RBFOX1: variants seen among roughly 807,000 people sequenced by gnomAD.
RBFOX1 encodes the protein RNA binding protein fox-1 homolog 1.
In RBFOX1, 8 loss-of-function variants were observed where a neutral mutation model predicts 57.7. That is an observed-to-expected ratio of 0.14 (90% CI 0.08 to 0.25). The LOEUF is 0.25. RBFOX1 is among the 10% of genes least tolerant of loss of function. RBFOX1 has a pLI of 1.00. For synonymous variants in RBFOX1, 326 were observed against 222.4 expected (o/e 1.47, Z -4.15); for missense variants, 611 against 548.5 (o/e 1.11, Z -1.14).
intron 3 of RBFOX1, among the ~76,000 whole-genome samples, chr16:5,788,202 G>C (rs146610148): frequency 4.6e-5 from 7 of 152,104 alleles, no homozygotes; most frequent in South Asian, 2.1e-4. Context: ...GCTGTTGGCC[G>C]GTAGTTTATT....
At chr16:6,450,788 T>TATATAC (rs1555480534) in intron 2 of RBFOX1, among the ~76,000 whole-genome samples, 2 of 47,964 alleles carry the variant, frequency 4.2e-5, no homozygotes, top group African/African-American at 2.2e-4. Context: ...TATATATATA[T>TATATAC]ACATATATAT....
chr16:7,340,306 G>T (rs1478708168), intron 4 of RBFOX1, among the ~76,000 whole-genome samples: 1 of 152,122 alleles, frequency 6.6e-6, no homozygotes, highest in African/African-American at 2.4e-5. Flanking sequence ...CCATCCCCTG[G>T]GGAGCAAGTG....
intron 1 of RBFOX1, among the ~76,000 whole-genome samples, chr16:6,226,722 C>G (rs74396271): frequency 6.6e-6 from 1 of 152,074 alleles, no homozygotes; most frequent in Non-Finnish European, 1.5e-5. Flanking sequence ...ATCTTGCTGG[C>G]TGTAGGCTTT....
intron 1 of RBFOX1, among the ~76,000 whole-genome samples, chr16:6,278,831 T>C (rs1567837052): frequency 1.3e-5 from 2 of 152,202 alleles, no homozygotes; most frequent in African/African-American, 2.4e-5. Flanking sequence ...AACAGCATTG[T>C]AAGGTTCATA....
In RBFOX1 at chr16:5,784,457, C is replaced by G. The variant is rs530692508; in HGVS notation, c.319-82846C>G. Among the ~76,000 whole-genome samples the G allele has an allele frequency of 5.9e-5, 9 of 152,066 alleles. No homozygotes were observed. In the South Asian group the frequency reaches 1.5e-3, roughly 25 times the overall value. On this transcript the variant is annotated intron_variant, in intron 3 of 19. Coordinates refer to the RBFOX1 transcript ENST00000641259. ...AAAAAAAAAGAGGAAGCAGGCACAT[C>G]TTACATGGCCAGAGCAGGAGCAGCA...
intron 3 of RBFOX1, among the ~76,000 whole-genome samples, chr16:6,745,884 G>GCT (rs1340653439): frequency 2.0e-5 from 3 of 152,138 alleles, no homozygotes; most frequent in Non-Finnish European, 1.5e-5. Flanking sequence ...AAAATTTTAT[G>GCT]CTCTCTAAAA....
chr16:7,700,857 T>G (rs79478621), intron 14 of RBFOX1, among the ~76,000 whole-genome samples: 3,782 of 152,174 alleles, frequency 0.025, 64 homozygotes, highest in Non-Finnish European at 0.04. Context: ...TTGAATGGCA[T>G]TGGTGGGCTA....
intron 3 of RBFOX1, among the ~76,000 whole-genome samples, chr16:5,681,531 G>C (rs548190632): frequency 2.0e-5 from 3 of 151,512 alleles, no homozygotes; most frequent in African/African-American, 7.3e-5. Context: ...TGGGATTACA[G>C]GCACGTGCAA....
intron 2 of RBFOX1, among the ~76,000 whole-genome samples, chr16:6,573,575 A>G (rs753973463): frequency 1.3e-5 from 2 of 152,292 alleles, no homozygotes; most frequent in Non-Finnish European, 2.9e-5. Flanking sequence ...GATTTTACAC[A>G]TAGTGCGATT....
At chr16:6,350,294 G>C (rs1380251705) in intron 2 of RBFOX1, among the ~76,000 whole-genome samples, 1 of 151,432 alleles carries the variant, frequency 6.6e-6, no homozygotes, top group Admixed American at 6.6e-5. Context: ...AAATTAGCCG[G>C]GTGTGGTTGC....
chr16:7,055,782 T>C (rs759155674), intron 4 of RBFOX1, among the ~76,000 whole-genome samples: 12 of 152,262 alleles, frequency 7.9e-5, no homozygotes, highest in Non-Finnish European at 1.6e-4. Context: ...TGCACTCCAG[T>C]GTTGTTACCC....
At chr16:6,854,636 C>G (rs963848147) in intron 3 of RBFOX1, among the ~76,000 whole-genome samples, 13 of 129,878 alleles carry the variant, frequency 1.0e-4, no homozygotes, top group East Asian at 4.9e-4. Context: ...GCTGTTTTGC[C>G]CAGGCTGGAG....
At chr16:5,983,918 TCCTCCTCCC>T (rs1384754713) in intron 4 of RBFOX1, among the ~76,000 whole-genome samples, 7 of 133,024 alleles carry the variant, frequency 5.3e-5, no homozygotes, top group Admixed American at 3.1e-4. Flanking sequence ...CTCCTCTTCC[TCCTCCTCCC>T]CCTCCTCCTC....
At chr16:7,088,544 G>GC (rs2060330036) in intron 4 of RBFOX1, among the ~76,000 whole-genome samples, 1 of 150,744 alleles carries the variant, frequency 6.6e-6, no homozygotes, top group African/African-American at 2.4e-5. Flanking sequence ...GTTTTTTGTT[G>GC]TTTTTTTTTC....
chr16:6,604,102 C>T (rs2097892681), intron 2 of RBFOX1, among the ~76,000 whole-genome samples: 3 of 152,154 alleles, frequency 2.0e-5, no homozygotes, highest in African/African-American at 4.8e-5. Context: ...TCCTCTACCC[C>T]ATCTGCTTCT....
chr16:6,587,059 A>G (rs1266567572), intron 2 of RBFOX1, among the ~76,000 whole-genome samples: 3 of 151,962 alleles, frequency 2.0e-5, no homozygotes, highest in Non-Finnish European at 4.4e-5. Flanking sequence ...TTCCTTTAGC[A>G]ATTTCCTAGT....
At chr16:7,000,653 G>A (rs903817368) in intron 3 of RBFOX1, among the ~76,000 whole-genome samples, 1 of 134,632 alleles carries the variant, frequency 7.4e-6, no homozygotes, top group African/African-American at 2.9e-5. Flanking sequence ...CGCCCAGGCT[G>A]GAGTGCAGTG....
chr16:7,705,794 T>C (rs1325884498), intron 14 of RBFOX1, among the ~76,000 whole-genome samples: 2 of 152,168 alleles, frequency 1.3e-5, no homozygotes, highest in African/African-American at 4.8e-5. Context: ...TTGGTGTTGA[T>C]GAACTAGTGG....
intron 2 of RBFOX1, among the ~76,000 whole-genome samples, chr16:6,649,209 C>T (rs1209602844): frequency 6.6e-6 from 1 of 152,178 alleles, no homozygotes; most frequent in African/African-American, 2.4e-5. Context: ...CTTTCTGTAA[C>T]TAGCTCATTC....
Sources: gnomAD v4.1 joint callset for allele counts (sites outside exome capture counted in the v4.1 genomes callset) on GRCh38, gnomAD v4.1.1 for gene constraint, MANE v1.5 for transcripts, NCBI Gene and HGNC (gene_info 2026-07-23, HGNC 2026-07-21) for gene names.